Variants in GAB3 observed in about 807,000 individuals in gnomAD.
GAB3 encodes GRB2 associated binding protein 3, also known as GRB2-associated-binding protein 3.
GAB3 carries 12 observed loss-of-function variants against 40.4 expected under a neutral mutation model. That is an observed-to-expected ratio of 0.30 (90% CI 0.19 to 0.48). The LOEUF (loss-of-function observed/expected upper bound fraction) is 0.48, where lower values mean the gene tolerates loss of function less well. GAB3 is among the 20% of genes least tolerant of loss of function. The pLI, the probability that GAB3 is intolerant of heterozygous loss-of-function variation, is 0.99. For missense variants in GAB3, 381 were observed against 461.9 expected (o/e 0.82, Z 1.61); for synonymous variants, 154 against 176.7 (o/e 0.87, Z 1.02).
chrX:154,719,749 G>A (rs1557258344), intron 1 of GAB3, among the ~76,000 whole-genome samples: 1 of 111,663 alleles, frequency 9.0e-6, no homozygotes, highest in African/African-American at 3.3e-5. Context: ...TAAAACCAGA[G>A]GCCACATATA....
At position 154,699,486 on chromosome X, in the gene GAB3, T is replaced by C; in HGVS notation, c.1153A>G (p.Thr385Ala). 8.3e-7 allele frequency: 1 copy of C among 1,210,909 alleles called. No individual in the cohort carries two copies. The highest frequency in any genetic ancestry group is 1.1e-6 in the Non-Finnish European group (1 of 894,723). ...LPCRFSPMYPTASASIEDSYV... is the reference protein window; with the variant it reads ...LPCRFSPMYPAASASIEDSYV... ...CTGTCTTCGATACTGGCTGAAGCTGTGGGGTACATCGGGGAGAACCTGCAT... is the reference window on the plus strand; with the variant it reads ...CTGTCTTCGATACTGGCTGAAGCTGCGGGGTACATCGGGGAGAACCTGCAT... The change falls in exon 6 of 10, where the codon ACA becomes GCA. Residue 385 changes from threonine to alanine, a missense_variant. Thr to Ala is a moderately conservative substitution (Grantham distance 58). This residue lies in a region of GAB3 where 364 missense variants were observed against 421.0 expected (regional missense o/e 0.86). Coordinates refer to ENST00000424127, the MANE Select transcript of GAB3 (RefSeq NM_001081573.3).
chrX:154,710,281 A>T (rs1557255368), intron 4 of GAB3, among the ~76,000 whole-genome samples: 1 of 111,801 alleles, frequency 8.9e-6, no homozygotes, highest in African/African-American at 3.3e-5. Context: ...ATCCTCCTCA[A>T]ATCCCCAATA....
chrX:154,713,233 G>T lies in GAB3; in HGVS notation c.570C>A (p.Cys190Ter). The T allele has an allele frequency of 8.3e-7, 1 of 1,209,938 alleles. No individual in the cohort carries two copies. ...TGGTATGGTGCAGTCTTCCAGTCTC[G>T]CAGTTGGACAAAACCAGATAATCTG... ...FLPDYLVLSN[C>*]ETGRLHHTSL... is the part of the protein sequence containing the mutation. The change falls in exon 3 of 10, where the codon TGC becomes TGA. Residue 190 changes from cysteine to a stop codon, truncating the protein, a stop_gained. Transcript: ENST00000424127. LOFTEE classifies it high-confidence loss of function.
chrX:154,691,162 G>A (rs1178361870), intron 8 of GAB3, among the ~76,000 whole-genome samples: 58 of 105,340 alleles, frequency 5.5e-4, no homozygotes, highest in Non-Finnish European at 8.7e-4. Flanking sequence ...GTAAACTATC[G>A]CAAGGACAAA....
chrX:154,725,910 T>C (rs1294616150), intron 1 of GAB3, among the ~76,000 whole-genome samples: 2 of 111,204 alleles, frequency 1.8e-5, no homozygotes, highest in Admixed American at 1.9e-4. Flanking sequence ...AGACTTGCCC[T>C]AAGAAAGCTT....
chrX:154,712,722 A>C, intron 3 of GAB3, 21 bp from the exon 4 acceptor site: 1 of 1,028,227 alleles, frequency 9.7e-7, no homozygotes, highest in Non-Finnish European at 1.3e-6. Context: ...AAAGCATGTA[A>C]GTTGGACTAA....
At chrX:154,709,576 C>G (rs1432469353) in intron 4 of GAB3, among the ~76,000 whole-genome samples, 1 of 109,630 alleles carries the variant, frequency 9.1e-6, no homozygotes, top group African/African-American at 3.3e-5. Flanking sequence ...CCCCCGCCTC[C>G]CAAAGTGCTG....
At chrX:154,726,570 G>T (rs2071214237) in intron 1 of GAB3, among the ~76,000 whole-genome samples, 2 of 111,937 alleles carry the variant, frequency 1.8e-5, no homozygotes, top group Non-Finnish European at 3.8e-5. Context: ...TTTGATGATG[G>T]TTTACAAAAT....
At chrX:154,709,332 T>G (rs1387193659) in intron 4 of GAB3, among the ~76,000 whole-genome samples, 2 of 108,561 alleles carry the variant, frequency 1.8e-5, no homozygotes, top group African/African-American at 6.7e-5. Context: ...GTTTTTTTTT[T>G]TTTTTTGAGA....
chrX:154,733,829 A>G (rs1165483945), intron 1 of GAB3, among the ~76,000 whole-genome samples: 2 of 112,316 alleles, frequency 1.8e-5, no homozygotes, highest in Admixed American at 1.9e-4. Flanking sequence ...CTAATTTGGT[A>G]TAAGGGTCAT....
intron 1 of GAB3, among the ~76,000 whole-genome samples, chrX:154,733,445 G>A (rs1440583516): frequency 1.8e-5 from 2 of 111,871 alleles, no homozygotes; most frequent in Non-Finnish European, 1.9e-5. Flanking sequence ...AAAAACTTTC[G>A]CATTTTGTCA....
At chrX:154,717,392 C>T (rs1263564030) in intron 1 of GAB3, among the ~76,000 whole-genome samples, 3 of 110,881 alleles carry the variant, frequency 2.7e-5, no homozygotes, top group Admixed American at 1.9e-4. Flanking sequence ...GGGGGTGGGG[C>T]ATGGCAGGAT....
At chrX:154,746,064 A>G (rs1557262003) in intron 1 of GAB3, among the ~76,000 whole-genome samples, 1 of 109,383 alleles carries the variant, frequency 9.1e-6, no homozygotes, top group African/African-American at 3.3e-5. Flanking sequence ...AAAAAAAAAA[A>G]AAAAAAAAGA....
chrX:154,702,001 A>G (rs1557252372), intron 4 of GAB3, among the ~76,000 whole-genome samples: 1 of 112,316 alleles, frequency 8.9e-6, no homozygotes, highest in African/African-American at 3.2e-5. Flanking sequence ...TCACAGAAAT[A>G]GAAAAAAAAT....
intron 4 of GAB3, among the ~76,000 whole-genome samples, chrX:154,700,771 G>T (rs1168332062): frequency 4.5e-5 from 5 of 111,039 alleles, no homozygotes; most frequent in Admixed American, 2.9e-4. Context: ...GTGTTGAGTG[G>T]TGCAGAGAAG....
intron 4 of GAB3, among the ~76,000 whole-genome samples, chrX:154,709,147 C>CTTTG (rs1557254687): frequency 2.0e-5 from 2 of 98,888 alleles, no homozygotes; most frequent in Non-Finnish European, 4.2e-5. Flanking sequence ...CCCCTTCACT[C>CTTTG]TCTTCCTCCT....
intron 5 of GAB3, among the ~76,000 whole-genome samples, 188 bp from the exon 6 acceptor site, chrX:154,699,701 A>T (rs185722404): frequency 8.9e-6 from 1 of 112,543 alleles, no homozygotes. Flanking sequence ...AGTATAGGCG[A>T]TAAGTCTCCA....
chrX:154,718,300 A>G (rs1557258037), intron 1 of GAB3, among the ~76,000 whole-genome samples: 2 of 108,307 alleles, frequency 1.8e-5, no homozygotes, highest in Non-Finnish European at 3.8e-5. Flanking sequence ...AGGGGCAGCA[A>G]GCAGAAGGAA....
intron 4 of GAB3, among the ~76,000 whole-genome samples, chrX:154,708,829 C>T (rs1340817933): frequency 8.9e-6 from 1 of 111,972 alleles, no homozygotes; most frequent in Non-Finnish European, 1.9e-5. Context: ...AATATAACTA[C>T]CTTATGATCC....
Sources: gnomAD v4.1 joint callset for allele counts (sites outside exome capture counted in the v4.1 genomes callset) on GRCh38, gnomAD v4.1.1 for gene constraint, gnomAD v4.1.1 regional missense constraint, MANE v1.5 for transcripts, NCBI Gene and HGNC (gene_info 2026-07-23, HGNC 2026-07-21) for gene names.